CBR4: variants seen among roughly 807,000 people sequenced by gnomAD.
CBR4 encodes 3-oxoacyl-[acyl-carrier-protein] reductase.
In CBR4, 22 loss-of-function variants were observed where a neutral mutation model predicts 21.0. The observed-to-expected ratio is 1.05, with a 90% confidence interval of 0.75 to 1.50. The LOEUF (loss-of-function observed/expected upper bound fraction) is 1.50, where lower values mean the gene tolerates loss of function less well. CBR4 is among the 40% of genes most tolerant of loss of function. CBR4 has a pLI of 0.00. For missense variants in CBR4, 302 were observed against 286.3 expected (o/e 1.05, Z -0.40); for synonymous variants, 100 against 104.4 (o/e 0.96, Z 0.26).
chr4:168,910,220 C>CTT (rs70961563), intron 2 of CBR4, among the ~76,000 whole-genome samples: 12 of 113,968 alleles, frequency 1.1e-4, no homozygotes, highest in South Asian at 3.0e-4. Flanking sequence ...AACCTGTTTA[C>CTT]TTTTTTTTTT....
intron 2 of CBR4, among the ~76,000 whole-genome samples, chr4:168,919,385 C>T (rs1325019969): frequency 1.3e-5 from 2 of 151,966 alleles, no homozygotes; most frequent in African/African-American, 2.4e-5. Flanking sequence ...ATCAGCCAGG[C>T]ATGGTGGCAG....
chr4:168,951,178 C>G (rs530068814), intron 2 of CBR4, among the ~76,000 whole-genome samples: 1 of 152,144 alleles, frequency 6.6e-6, no homozygotes, highest in Non-Finnish European at 1.5e-5. Context: ...CCTGCCTCAG[C>G]CTCCTAAGTA....
At chr4:169,002,981 ACTG>A (rs1363316561) in intron 3 of CBR4, among the ~76,000 whole-genome samples, 1 of 152,140 alleles carries the variant, frequency 6.6e-6, no homozygotes, top group Non-Finnish European at 1.5e-5. Flanking sequence ...ACAAAATATT[ACTG>A]CTCACTGACA....
In CBR4 at chr4:168,994,189, G is replaced by A. The variant is rs185655945; in HGVS notation, c.536-3861C>T. 5.3e-5 allele frequency among the ~76,000 whole-genome samples: 8 copies of A among 152,192 alleles called. No individual in the cohort carries two copies. The East Asian group carries it at 5.8e-4, about 11-fold the overall frequency. On this transcript the variant is annotated intron_variant, in intron 4 of 4. Coordinates refer to ENST00000306193, the MANE Select transcript of CBR4 (RefSeq NM_032783.5). ...TAGATTAACTAAAAGTATTCCTTAC[G>A]GGAAACAAAGGGATGGGCCGAAATA...
intron 2 of CBR4, chr4:168,903,620 TAGTC>T (rs1209531796): frequency 2.9e-5 from 20 of 699,730 alleles, no homozygotes; most frequent in South Asian, 8.2e-5. Context: ...ATCAATTCCT[TAGTC>T]AGGTATTTGG....
At chr4:168,948,291 T>C (rs770022929) in intron 2 of CBR4, among the ~76,000 whole-genome samples, 2 of 152,244 alleles carry the variant, frequency 1.3e-5, no homozygotes, top group Non-Finnish European at 2.9e-5. Context: ...ATGTATACAT[T>C]GTGAAGATTT....
In CBR4 at chr4:168,962,489, A is replaced by G. The variant is rs1360093188; in HGVS notation, n.169+39582T>C. On this transcript the variant is annotated intron_variant and non_coding_transcript_variant, in intron 2 of 3. Coordinates refer to the CBR4 transcript ENST00000509108. ...GATGGAAGAGAAGAAAGACTTGAGG[A>G]TAATACTCAGGTCTCTGGCTTGATC... Among the ~76,000 whole-genome samples, 5 of 152,224 alleles carry G rather than the reference A, an allele frequency of 3.3e-5. No individual in the cohort carries two copies. In the South Asian group the frequency reaches 8.3e-4, roughly 25 times the overall value.
chr4:168,939,113 T>C (rs1582294374), intron 2 of CBR4, among the ~76,000 whole-genome samples: 1 of 152,328 alleles, frequency 6.6e-6, no homozygotes, highest in East Asian at 1.9e-4. Flanking sequence ...TCAAGTCGAC[T>C]TCATCCATGG....
chr4:168,948,465 C>G (rs866710196), intron 2 of CBR4, among the ~76,000 whole-genome samples: 2 of 152,110 alleles, frequency 1.3e-5, no homozygotes, highest in Non-Finnish European at 2.9e-5. Context: ...AAGGGTTTTT[C>G]CAATGTTATC....
intron 2 of CBR4, among the ~76,000 whole-genome samples, chr4:168,950,222 T>C (rs1220764794): frequency 6.6e-6 from 1 of 152,164 alleles, no homozygotes; most frequent in African/African-American, 2.4e-5. Flanking sequence ...AGAATGTCTG[T>C]TGTGCTCTGT....
rs1759583376 is a variant in CBR4, at chr4:168,913,965, T to C, written n.170-19200A>G. 1.9e-6 allele frequency: 3 copies of C among 1,613,398 alleles called. 1 individual carries two copies. In the African/African-American group the frequency reaches 4.0e-5, roughly 22 times the overall value. ...GTACTGGACGGCTAATGGTACAGGC[T>C]GTCAACCAAAGAGGTCGAAGTCCCC... On this transcript the variant is annotated intron_variant and non_coding_transcript_variant, in intron 2 of 3. Transcript: ENST00000509108.
At chr4:168,907,903 T>A (rs985483661) in intron 2 of CBR4, among the ~76,000 whole-genome samples, 4 of 152,002 alleles carry the variant, frequency 2.6e-5, no homozygotes, top group Non-Finnish European at 5.9e-5. Flanking sequence ...TAACACTACC[T>A]ATTATAGTAT....
chr4:169,003,809 G>C (rs572807987), intron 3 of CBR4, among the ~76,000 whole-genome samples: 1 of 152,212 alleles, frequency 6.6e-6, no homozygotes, highest in East Asian at 1.9e-4. Context: ...GGACATGAAT[G>C]AAATTGGAAA....
Position 169,002,179 on chromosome 4 carries a change from A to C in CBR4, c.427T>G (p.Ser143Ala). 1 of 1,313,974 alleles carries C rather than the reference A, an allele frequency of 7.6e-7. No homozygotes were observed. The highest frequency in any genetic ancestry group is 2.8e-5 in the East Asian group (1 of 35,468). 81.4% of individuals were successfully genotyped at this position (1,313,974 alleles called of 1,614,324 possible). The change falls in exon 4 of 5, where the codon TCT (serine) becomes GCT (alanine). Residue 143 changes from serine (S) to alanine (A), a missense_variant. Transcript: ENST00000306193. ...CTGGCACTGTAAACGGACTGGCCAG[A>C]GTTGCCTTTTAAGCCAACAATGCTT... ...VGSIVGLKGNSGQSVYSASKG... is the reference protein window; with the variant it reads ...VGSIVGLKGNAGQSVYSASKG...
chr4:168,926,481 T>TGACTA, intron 2 of CBR4: 1 of 801,014 alleles, frequency 1.2e-6, no homozygotes. Flanking sequence ...AACATACCTT[T>TGACTA]GACTATAAGA....
intron 2 of CBR4, among the ~76,000 whole-genome samples, chr4:168,906,567 C>T (rs1485428874): frequency 6.6e-6 from 1 of 152,122 alleles, no homozygotes; most frequent in African/African-American, 2.4e-5. Flanking sequence ...CATATAATAT[C>T]ACATTGTACC....
intron 2 of CBR4, among the ~76,000 whole-genome samples, chr4:168,971,741 G>C (rs778055126): frequency 6.6e-6 from 1 of 152,062 alleles, no homozygotes; most frequent in African/African-American, 2.4e-5. Flanking sequence ...CCCACTCTGT[G>C]AGTTGTTTAC....
intron 2 of CBR4, among the ~76,000 whole-genome samples, chr4:168,954,728 G>T (rs1047500418): frequency 1.3e-5 from 2 of 152,120 alleles, no homozygotes; most frequent in African/African-American, 4.8e-5. Flanking sequence ...CATAAACCAT[G>T]AAAAGGAAGA....
At chr4:168,990,811 G>A (rs1264469358) in intron 4 of CBR4, among the ~76,000 whole-genome samples, 1 of 152,018 alleles carries the variant, frequency 6.6e-6, no homozygotes, top group East Asian at 1.9e-4. Context: ...CCAGCACTTT[G>A]GGAGGCCGAG....
Sources: gnomAD v4.1 joint callset for allele counts (sites outside exome capture counted in the v4.1 genomes callset) on GRCh38, gnomAD v4.1.1 for gene constraint, MANE v1.5 for transcripts, NCBI Gene and HGNC (gene_info 2026-07-23, HGNC 2026-07-21) for gene names.